Variants in RNF220 observed in about 807,000 individuals in gnomAD.
The protein encoded by RNF220 is ring finger protein 220.
RNF220 carries 7 observed loss-of-function variants against 67.1 expected under a neutral mutation model. The observed-to-expected ratio is 0.10, with a 90% confidence interval of 0.06 to 0.20. The LOEUF is 0.20. Among genes scored for constraint, RNF220 ranks in the 10% least tolerant of loss-of-function variants. RNF220 has a pLI of 1.00. For missense variants in RNF220, 565 were observed against 740.3 expected, an observed-to-expected ratio of 0.76 and a Z score of 2.75; for synonymous variants, 270 against 283.2, an observed-to-expected ratio of 0.95 and a Z score of 0.47.
At position 44,606,223 on chromosome 1, in the gene RNF220, T is replaced by C. The variant is rs1259518889; in HGVS notation, c.626-7942T>C. On this transcript the variant is annotated intron_variant, in intron 2 of 14. Coordinates refer to ENST00000361799, the MANE Select transcript of RNF220 (RefSeq NM_018150.4). This position sits in a 1 kb window ranked among gnomAD's most constrained non-coding sequence, Gnocchi z 4.2. The stretch of plus-strand genomic sequence containing the variant: ...TGGCCCGGAGACTGGGGAATGCCAA[T>C]ATACGATGACAGATCACATATTGAT... Among the ~76,000 whole-genome samples the C allele has an allele frequency of 5.3e-5, 8 of 152,236 alleles. No homozygotes were observed. The highest frequency in any genetic ancestry group is 1.9e-4 in the African/African-American group (8 of 41,462).
intron 2 of RNF220, among the ~76,000 whole-genome samples, chr1:44,454,635 C>T (rs577241545): frequency 6.8e-6 from 1 of 147,336 alleles, no homozygotes; most frequent in Non-Finnish European, 1.5e-5. Context: ...TCTATCTTTA[C>T]TAATTCATTT....
intron 3 of RNF220, among the ~76,000 whole-genome samples, 183 bp downstream of exon 3, chr1:44,614,480 C>A (rs1421249945): frequency 1.3e-5 from 2 of 152,226 alleles, no homozygotes; most frequent in Non-Finnish European, 2.9e-5. Context: ...CCACCTTCCT[C>A]TTCTTGCTCT....
rs181378220 is a variant in RNF220, at chr1:44,528,464, C to A, written c.626-85701C>A. Reference sequence around the variant, plus strand: ...TACAGGCACACGCTGCCACACCTGGCTAATTTTTTGTATTTTTAGTAGAGA... The same window carrying A: ...TACAGGCACACGCTGCCACACCTGGATAATTTTTTGTATTTTTAGTAGAGA... On this transcript the variant is annotated intron_variant, in intron 2 of 14. Transcript: ENST00000361799. Among the ~76,000 whole-genome samples the A allele has an allele frequency of 3.6e-3, 545 of 152,176 alleles. 5 individuals carry two copies. The highest frequency in any genetic ancestry group is 0.012 in the African/African-American group (513 of 41,496).
In RNF220 at chr1:44,645,745, G is replaced by C. The variant is rs1033931732; in HGVS notation, c.1445+257G>C. On this transcript the variant is annotated intron_variant, in intron 12 of 14. Coordinates refer to ENST00000361799, the MANE Select transcript of RNF220 (RefSeq NM_018150.4). The surrounding 1 kb of genome is among the most constrained non-coding windows in gnomAD (Gnocchi z 5.0). Reference sequence around the variant, plus strand: ...CGCCTGCCTGCCTGCCTGCCCGCCTGCTGCGGCGGCCTTCGCCCGGGGAAT... The same window carrying C: ...CGCCTGCCTGCCTGCCTGCCCGCCTCCTGCGGCGGCCTTCGCCCGGGGAAT... 6.6e-6 allele frequency among the ~76,000 whole-genome samples: 1 copy of C among 152,262 alleles called. No individual in the cohort carries two copies. Among genetic ancestry groups the C allele is most frequent in the Non-Finnish European group, 1.5e-5 (1 of 68,050 alleles).
chr1:44,614,842 G>A (rs1030318166), intron 3 of RNF220, among the ~76,000 whole-genome samples: 4 of 152,070 alleles, frequency 2.6e-5, no homozygotes, highest in Admixed American at 6.6e-5. Context: ...GCCTGGTGGA[G>A]GAGCCAGGTT....
At chr1:44,540,983 G>A (rs1054981005) in intron 2 of RNF220, among the ~76,000 whole-genome samples, 3 of 151,982 alleles carry the variant, frequency 2.0e-5, no homozygotes, top group Non-Finnish European at 4.4e-5. Flanking sequence ...CATTTGTTAC[G>A]GTGTTTGCAA....
rs1467897258 is a variant in RNF220 at position 44,616,053 on chromosome 1, A to G, written c.758+1756A>G. 2.0e-5 allele frequency among the ~76,000 whole-genome samples: 3 copies of G among 152,174 alleles called. No homozygotes were observed. The East Asian group carries it at 5.8e-4, about 29-fold the overall frequency. On this transcript the variant is annotated intron_variant, in intron 3 of 14. Coordinates refer to ENST00000361799, the MANE Select transcript of RNF220 (RefSeq NM_018150.4). Reference sequence around the variant, plus strand: ...TGGCAGGAGGCCTCAGTTCCCCCACATGTGGGTCTCTGCATAGGACAGCTT... The same window carrying G: ...TGGCAGGAGGCCTCAGTTCCCCCACGTGTGGGTCTCTGCATAGGACAGCTT...
intron 8 of RNF220, chr1:44,638,444 C>T (rs953071885): frequency 2.6e-5 from 4 of 152,236 alleles, no homozygotes; most frequent in Admixed American, 6.5e-5. Context: ...TTAAACTGCG[C>T]TGTGCGTGCT....
chr1:44,482,627 A>AT lies in RNF220; in HGVS notation c.625+69918dup, dbSNP rs962035057. Reference sequence around the variant, plus strand: ...GGCATAGTCTAGGGTAATTCAGTAAATTTTTTTTTTTTTAGACAGAGTCTT... The same window carrying AT: ...GGCATAGTCTAGGGTAATTCAGTAAATTTTTTTTTTTTTTAGACAGAGTCTT... On this transcript the variant is annotated intron_variant, in intron 2 of 14. Coordinates refer to ENST00000361799, the MANE Select transcript of RNF220 (RefSeq NM_018150.4). Among the ~76,000 whole-genome samples the AT allele has an allele frequency of 3.8e-3, 550 of 144,992 alleles. 4 individuals carry two copies. The highest frequency in any genetic ancestry group is 0.012 in the African/African-American group (461 of 39,874).
chr1:44,597,341 C>T (rs1407429594), intron 2 of RNF220, among the ~76,000 whole-genome samples: 3 of 151,978 alleles, frequency 2.0e-5, no homozygotes, highest in Non-Finnish European at 4.4e-5. Context: ...TAGCATGGCT[C>T]CAAAAACTTT....
At chr1:44,572,954 TG>T (rs1173041440) in intron 2 of RNF220, 1 of 387,166 alleles carries the variant, frequency 2.6e-6, no homozygotes, top group Middle Eastern at 3.5e-4. Flanking sequence ...TTGAATGAAA[TG>T]GATAAAGATG....
rs772907910 is a variant in RNF220, at chr1:44,614,138, G to A, written c.626-27G>A. 2.0e-5 allele frequency: 32 copies of A among 1,613,544 alleles called. No individual in the cohort carries two copies. The East Asian group carries it at 3.6e-4, about 18-fold the overall frequency. Reference sequence around the variant, plus strand: ...CCTCCTGGACTAGCCCAGCTTACGCGTCTGTCTGTTCTTCTCCCCTCACTA... The same window carrying A: ...CCTCCTGGACTAGCCCAGCTTACGCATCTGTCTGTTCTTCTCCCCTCACTA... On this transcript the variant is annotated intron_variant, in intron 2 of 14. Transcript: ENST00000361799.
intron 1 of RNF220, among the ~76,000 whole-genome samples, chr1:44,411,703 G>T (rs1466030386): frequency 6.6e-6 from 1 of 152,182 alleles, no homozygotes; most frequent in Non-Finnish European, 1.5e-5. Context: ...GTATTTGGAG[G>T]TTTTATGATA....
At chr1:44,543,761 G>C (rs140957781) in intron 2 of RNF220, among the ~76,000 whole-genome samples, 1 of 152,108 alleles carries the variant, frequency 6.6e-6, no homozygotes, top group African/African-American at 2.4e-5. Context: ...AACCCCAAAA[G>C]CTGGGTATCT....
chr1:44,615,786 C>A (rs1193213968), intron 3 of RNF220, among the ~76,000 whole-genome samples: 1 of 152,214 alleles, frequency 6.6e-6, no homozygotes, highest in Admixed American at 6.5e-5. Flanking sequence ...AATATTTAGT[C>A]ATCTATCGCT....
chr1:44,644,636 C>A (rs916389502), intron 8 of RNF220, 62 bp from the exon 9 acceptor site: 1 of 1,360,604 alleles, frequency 7.3e-7, no homozygotes, highest in Non-Finnish European at 1.1e-6. Context: ...CTGGAGGCAA[C>A]AGGAGGGGCA....
intron 3 of RNF220, among the ~76,000 whole-genome samples, chr1:44,617,206 G>C (rs1447318866): frequency 3.3e-5 from 5 of 152,180 alleles, no homozygotes. Flanking sequence ...AATTCCCGTC[G>C]GATCGATAAA....
Position 44,626,302 on chromosome 1 carries a change from C to T in RNF220, c.810C>T (p.Leu270=), listed in dbSNP as rs1278784768. The T allele has an allele frequency of 5.6e-6, 9 of 1,613,736 alleles. No individual in the cohort carries two copies. The highest frequency in any genetic ancestry group is 4.5e-5 in the East Asian group (2 of 44,890). The part of the protein sequence containing the change: ...DAMAPGTPKS[L]LLSASIKREG... ...TGTCTTTTTTCTTCTTCCAGTCCCT[C>T]CTGTTGTCTGCTTCCATCAAGAGGG... is the stretch of plus-strand genomic sequence containing the variant. The change falls in exon 5 of 15, where the codon CTC becomes CTT. Residue 270 remains leucine, a synonymous_variant. Coordinates refer to ENST00000361799, the MANE Select transcript of RNF220 (RefSeq NM_018150.4).
chr1:44,637,993 C>T (rs1164474271), intron 8 of RNF220, among the ~76,000 whole-genome samples: 1 of 152,238 alleles, frequency 6.6e-6, no homozygotes, highest in Non-Finnish European at 1.5e-5. Flanking sequence ...CAGCGGGGGC[C>T]ACGAGGCAGA....
Sources: allele counts gnomAD v4.1 joint callset (sites outside exome capture counted in the v4.1 genomes callset), GRCh38; gene constraint gnomAD v4.1.1; non-coding constraint Gnocchi (gnomAD v3.1); transcripts MANE v1.5; gene names NCBI Gene and HGNC (gene_info 2026-07-23, HGNC 2026-07-21).